The following ASTN2 variants were observed in gnomAD, a reference collection of about 807,000 sequenced individuals.
The protein encoded by ASTN2 is astrotactin-2.
In ASTN2, 54 loss-of-function variants were observed where a neutral mutation model predicts 139.8. That is an observed-to-expected ratio of 0.39 (90% CI 0.31 to 0.48). ASTN2 has a LOEUF of 0.48. ASTN2 is among the 20% of genes least tolerant of loss of function. The pLI is 0.95. For missense variants in ASTN2, 1,565 were observed against 1,725.1 expected (o/e 0.91, Z 1.64); for synonymous variants, 756 against 719.5 (o/e 1.05, Z -0.81).
intron 7 of ASTN2, among the ~76,000 whole-genome samples, chr9:116,999,515 TTCTTTCTTTCC>T (rs897620359): frequency 1.3e-5 from 2 of 151,730 alleles, no homozygotes; most frequent in Non-Finnish European, 2.9e-5. Context: ...AGTAATTATT[TTCTTTCTTTCC>T]TCTTTCTTTC....
chr9:116,872,745 T>G (rs1833198990), intron 10 of ASTN2, among the ~76,000 whole-genome samples: 1 of 151,890 alleles, frequency 6.6e-6, no homozygotes, highest in South Asian at 2.1e-4. Context: ...GGGGGATAAA[T>G]AGAGTGGGTT....
intron 4 of ASTN2, among the ~76,000 whole-genome samples, chr9:117,125,660 G>A (rs1355478155): frequency 6.6e-6 from 1 of 152,158 alleles, no homozygotes; most frequent in African/African-American, 2.4e-5. Flanking sequence ...ATCATGATGA[G>A]GGTAAGCATT....
intron 10 of ASTN2, among the ~76,000 whole-genome samples, chr9:116,878,109 G>C (rs1224248786): frequency 6.6e-6 from 1 of 152,222 alleles, no homozygotes; most frequent in African/African-American, 2.4e-5. Flanking sequence ...CACTGTTGGA[G>C]GGAATGTAAA....
At chr9:116,778,554 T>A (rs1830141119) in intron 13 of ASTN2, among the ~76,000 whole-genome samples, 1 of 152,118 alleles carries the variant, frequency 6.6e-6, no homozygotes, top group African/African-American at 2.4e-5. Context: ...TGCTCAACAT[T>A]TCTTGTGAGG....
At chr9:117,021,248 G>T (rs1837870277) in intron 6 of ASTN2, among the ~76,000 whole-genome samples, 1 of 152,074 alleles carries the variant, frequency 6.6e-6, no homozygotes. Flanking sequence ...AAATAGGTTG[G>T]GTTCTATTTT....
At chr9:117,158,838 A>G (rs1297421327) in intron 3 of ASTN2, among the ~76,000 whole-genome samples, 1 of 152,034 alleles carries the variant, frequency 6.6e-6, no homozygotes, top group Non-Finnish European at 1.5e-5. Flanking sequence ...TTGACCTACC[A>G]GGTAAGTCAA....
In ASTN2 at chr9:117,414,671, CCCCGGCGCGGG is replaced by C. The variant is rs1831277564; in HGVS notation, c.257_267del (p.Ala86GlyfsTer36). ...GCTCCGGCCCCGGTCCCAGCCCCGG[CCCCGGCGCGGG>C]CGCCGCTCCAGCCGATGTCGCTCTC... On this transcript the variant is annotated frameshift_variant, in exon 1 of 23. Coordinates refer to ENST00000313400, the MANE Select transcript of ASTN2 (RefSeq NM_001365068.1). LOFTEE classifies it high-confidence loss of function. This position sits in a 1 kb window ranked among gnomAD's most constrained non-coding sequence, Gnocchi z 4.2. 1 of 1,260,248 alleles carries C rather than the reference CCCCGGCGCGGG, an allele frequency of 7.9e-7. No individual in the cohort carries two copies. The highest frequency in any genetic ancestry group is 9.9e-7 in the Non-Finnish European group (1 of 1,007,070). 78.1% of individuals were successfully genotyped at this position (1,260,248 alleles called of 1,614,324 possible). A position where few individuals can be genotyped will look rare whatever the true frequency, so the allele number is the denominator to read the frequency against.
In ASTN2 at chr9:116,975,249, G is replaced by A. The variant is rs149867397; in HGVS notation, c.1848C>T (p.Cys616=). 2 of 1,613,348 alleles carry A rather than the reference G, an allele frequency of 1.2e-6. No homozygotes were observed. Among genetic ancestry groups the A allele is most frequent in the African/African-American group, 2.7e-5 (2 of 74,892 alleles). ...CTTCCGTGACGAGCACATCGGTCTT[G>A]CAGCTGGCCAGGGGGTTGATGGACA... The part of the protein sequence containing the change: ...VELSINPLAS[C]KTDVLVTEDP... The change falls in exon 10 of 23, where the codon TGC becomes TGT. Residue 616 remains cysteine (C), a synonymous_variant. Transcript: ENST00000313400.
intron 16 of ASTN2, chr9:116,687,254 G>A: frequency 4.0e-6 from 4 of 994,234 alleles, no homozygotes; most frequent in Non-Finnish European, 4.8e-6. Context: ...CTGGGGAGGC[G>A]GGGCTCAGTG....
chr9:117,157,102 G>A (rs898661456), intron 3 of ASTN2, among the ~76,000 whole-genome samples: 3 of 151,996 alleles, frequency 2.0e-5, no homozygotes, highest in African/African-American at 7.2e-5. Flanking sequence ...CAAGTCATCA[G>A]CTGTGCAGCA....
intron 6 of ASTN2, among the ~76,000 whole-genome samples, chr9:117,031,965 A>G (rs973789809): frequency 1.3e-5 from 2 of 152,190 alleles, no homozygotes; most frequent in African/African-American, 4.8e-5. Context: ...TTTCATTGTA[A>G]AAGATGGCTC....
At chr9:116,478,332 T>C (rs1335012758) in intron 20 of ASTN2, among the ~76,000 whole-genome samples, 3 of 150,480 alleles carry the variant, frequency 2.0e-5, no homozygotes, top group Non-Finnish European at 4.4e-5. Context: ...AGGAATAAAA[T>C]GAAATAAGGA....
chr9:117,114,892 A>G (rs1035273433), intron 4 of ASTN2, among the ~76,000 whole-genome samples: 4 of 152,086 alleles, frequency 2.6e-5, no homozygotes, highest in African/African-American at 2.4e-5. Flanking sequence ...CAACATCCCC[A>G]TTGGAGCTCT....
At chr9:117,161,386 C>G (rs891157266) in intron 3 of ASTN2, among the ~76,000 whole-genome samples, 4 of 151,852 alleles carry the variant, frequency 2.6e-5, no homozygotes, top group African/African-American at 7.2e-5. Flanking sequence ...AAAGAAAAGG[C>G]GTTTTTTTTC....
intron 1 of ASTN2, among the ~76,000 whole-genome samples, chr9:117,297,151 C>A (rs1002965187): frequency 7.2e-5 from 11 of 152,196 alleles, no homozygotes; most frequent in African/African-American, 2.7e-4. Flanking sequence ...AACTAACCGG[C>A]CTTCTGATTC....
chr9:116,893,159 T>TCACACACACA (rs56263614), intron 10 of ASTN2, among the ~76,000 whole-genome samples: 34 of 149,344 alleles, frequency 2.3e-4, no homozygotes, highest in African/African-American at 6.7e-4. Context: ...TAAAGGTGTA[T>TCACACACACA]CACACACACA....
intron 13 of ASTN2, among the ~76,000 whole-genome samples, chr9:116,799,244 G>C (rs1249121466): frequency 2.0e-5 from 3 of 152,150 alleles, no homozygotes; most frequent in Non-Finnish European, 4.4e-5. Context: ...GAATGAGTGA[G>C]TGCTACTAAC....
At chr9:117,015,802 G>A (rs2132602027) in intron 6 of ASTN2, among the ~76,000 whole-genome samples, 1 of 152,158 alleles carries the variant, frequency 6.6e-6, no homozygotes, top group African/African-American at 2.4e-5. Flanking sequence ...ATAGCAACTT[G>A]GTTAAGATTG....
intron 3 of ASTN2, among the ~76,000 whole-genome samples, chr9:117,164,971 C>A (rs1830636254): frequency 6.6e-6 from 1 of 152,058 alleles, no homozygotes. Flanking sequence ...GTTGAAAAAC[C>A]TGCAGCTCTA....
Sources: gnomAD v4.1 joint callset for allele counts (sites outside exome capture counted in the v4.1 genomes callset) on GRCh38, gnomAD v4.1.1 for gene constraint, Gnocchi (gnomAD v3.1) non-coding constraint, MANE v1.5 for transcripts, NCBI Gene and HGNC (gene_info 2026-07-23, HGNC 2026-07-21) for gene names.